The following ATP8B4 variants were observed in gnomAD, a reference collection of about 807,000 sequenced individuals.
The protein encoded by ATP8B4 is probable phospholipid-transporting ATPase IM.
In ATP8B4, 133 loss-of-function variants were observed where a neutral mutation model predicts 145.6. The ratio of observed to expected loss-of-function variants is 0.91; its 90% CI spans 0.79 to 1.05. The LOEUF is 1.05. Ranked by LOEUF, ATP8B4 falls within the 50% of genes least tolerant of loss-of-function variation. ATP8B4 has a pLI of 0.00. For synonymous variants in ATP8B4, 507 were observed against 492.9 expected, an observed-to-expected ratio of 1.03 and a Z score of -0.38; for missense variants, 1,458 against 1,425.2, an observed-to-expected ratio of 1.02 and a Z score of -0.37.
intron 1 of ATP8B4, among the ~76,000 whole-genome samples, chr15:50,172,952 G>A (rs1595669322): frequency 2.0e-5 from 3 of 150,178 alleles, no homozygotes; most frequent in South Asian, 4.2e-4. Context: ...CCCGGCAGCC[G>A]CCCCATCCGG....
At chr15:49,994,730 C>T (rs2047291185) in intron 9 of ATP8B4, among the ~76,000 whole-genome samples, 1 of 151,976 alleles carries the variant, frequency 6.6e-6, no homozygotes, top group Admixed American at 6.6e-5. Context: ...AAGAAATCCA[C>T]CTAATCCAGC....
intron 20 of ATP8B4, chr15:49,901,713 C>A (rs1433440525): frequency 5.6e-6 from 2 of 360,234 alleles, no homozygotes; most frequent in Non-Finnish European, 5.3e-6. Flanking sequence ...GTAATACGAT[C>A]CAGCTTAAAA....
In ATP8B4 at chr15:50,018,090, C is replaced by T. The variant is rs535526310; in HGVS notation, c.363-7173G>A. Among the ~76,000 whole-genome samples the T allele has an allele frequency of 2.0e-5, 3 of 150,306 alleles. No homozygotes were observed. The South Asian group carries it at 6.3e-4, about 32-fold the overall frequency. Reference sequence around the variant, plus strand: ...GCACCCTTGACCTCCTGGGTTCAAACTATTCTCATGCCTCAGCAGCCTGAG... The same window carrying T: ...GCACCCTTGACCTCCTGGGTTCAAATTATTCTCATGCCTCAGCAGCCTGAG... On this transcript the variant is annotated intron_variant, in intron 6 of 27. Coordinates refer to ENST00000284509, the MANE Select transcript of ATP8B4 (RefSeq NM_024837.4).
chr15:50,045,474 C>G (rs1402934462), intron 4 of ATP8B4, among the ~76,000 whole-genome samples: 3 of 152,076 alleles, frequency 2.0e-5, no homozygotes, highest in African/African-American at 7.2e-5. Flanking sequence ...AAATGGGATT[C>G]ATTTGAAAAT....
chr15:49,982,704 A>T (rs1217138468), intron 10 of ATP8B4: 3 of 152,216 alleles, frequency 2.0e-5, no homozygotes, highest in Non-Finnish European at 4.4e-5. Context: ...CTTTTTATGG[A>T]TTATTAAGCA....
chr15:50,120,065 T>C (rs534456437), upstream of ATP8B4, among the ~76,000 whole-genome samples: 39 of 152,320 alleles, frequency 2.6e-4, no homozygotes, highest in South Asian at 7.9e-3. Context: ...TTCTTTTAAA[T>C]ATGCCTAAAG....
chr15:49,977,520 C>G (rs1268568885), intron 12 of ATP8B4, among the ~76,000 whole-genome samples: 1 of 152,140 alleles, frequency 6.6e-6, no homozygotes, highest in Non-Finnish European at 1.5e-5. Context: ...CCCTCTTTAG[C>G]TCATGATCCT....
At chr15:49,926,986 C>A (rs1188197538) in intron 16 of ATP8B4, among the ~76,000 whole-genome samples, 1 of 152,094 alleles carries the variant, frequency 6.6e-6, no homozygotes, top group Non-Finnish European at 1.5e-5. Context: ...CTCGTAAGAG[C>A]CTTCCAAGAA....
intron 1 of ATP8B4, among the ~76,000 whole-genome samples, chr15:50,132,349 A>G (rs770821003): frequency 1.3e-5 from 2 of 152,182 alleles, no homozygotes; most frequent in Non-Finnish European, 2.9e-5. Context: ...CAACCAACAA[A>G]CATGAAAAAA....
At chr15:50,141,031 A>G (rs961009613) in intron 1 of ATP8B4, among the ~76,000 whole-genome samples, 4 of 152,092 alleles carry the variant, frequency 2.6e-5, no homozygotes, top group Non-Finnish European at 5.9e-5. Flanking sequence ...TTGGTCAGAG[A>G]TCCCCACCCC....
chr15:49,907,214 C>T (rs1269036800), intron 20 of ATP8B4, among the ~76,000 whole-genome samples: 1 of 152,154 alleles, frequency 6.6e-6, no homozygotes, highest in East Asian at 1.9e-4. Context: ...CAGACTTGAA[C>T]TAAATTTAAC....
chr15:50,074,576 T>C (rs2153636244), intron 2 of ATP8B4, among the ~76,000 whole-genome samples: 1 of 152,282 alleles, frequency 6.6e-6, no homozygotes, highest in South Asian at 2.1e-4. Flanking sequence ...AAATATAACA[T>C]AGCCAAAAAT....
intron 6 of ATP8B4, among the ~76,000 whole-genome samples, chr15:50,015,263 T>A (rs926593085): frequency 2.0e-5 from 3 of 152,094 alleles, no homozygotes; most frequent in African/African-American, 7.2e-5. Context: ...AAGAGGGAAA[T>A]TGGGATGGAA....
chr15:49,916,831 C>A, intron 20 of ATP8B4, 103 bp downstream of exon 20: 1 of 1,083,576 alleles, frequency 9.2e-7, no homozygotes, highest in Non-Finnish European at 1.3e-6. Flanking sequence ...AAGTTAAGAC[C>A]ACAGGAAACT....
intron 25 of ATP8B4, among the ~76,000 whole-genome samples, chr15:49,874,461 G>A (rs2034097599): frequency 6.6e-6 from 1 of 152,166 alleles, no homozygotes; most frequent in South Asian, 2.1e-4. Context: ...AATGGGATTG[G>A]AGGGATGGCT....
chr15:50,107,526 T>C (rs1483000041), intron 1 of ATP8B4, among the ~76,000 whole-genome samples: 1 of 152,124 alleles, frequency 6.6e-6, no homozygotes, highest in Non-Finnish European at 1.5e-5. Flanking sequence ...CAGAATAATA[T>C]CATTATTATA....
At position 50,156,086 on chromosome 15, in the gene ATP8B4, A is replaced by G. The variant is rs1474447070; in HGVS notation, c.-43+26175T>C. On this transcript the variant is annotated intron_variant, in intron 1 of 3. Transcript: ENST00000558829. The stretch of plus-strand genomic sequence containing the variant: ...AATAAATAAATAAATATATATATAT[A>G]TATATAAATATATATATATAAATAT... 8.2e-4 allele frequency among the ~76,000 whole-genome samples: 3 copies of G among 3,658 alleles called. 1 individual carries two copies. Among genetic ancestry groups the G allele is most frequent in the African/African-American group, 1.2e-3 (3 of 2,426 alleles). 2.4% of individuals were successfully genotyped at this position (3,658 alleles called of 152,430 possible). A position where few individuals can be genotyped will look rare whatever the true frequency, so the allele number is the denominator to read the frequency against.
Position 49,918,963 on chromosome 15 carries a change from A to C in ATP8B4, c.1924-13T>G, listed in dbSNP as rs1410449936. Reference sequence around the variant, plus strand: ...TGGCACCTAGTAGCTTTATTGAAAAAGAGAGAAAAGTTTATGTTAATGCAT... The same window carrying C: ...TGGCACCTAGTAGCTTTATTGAAAACGAGAGAAAAGTTTATGTTAATGCAT... On this transcript the variant is annotated splice_polypyrimidine_tract_variant and intron_variant, in intron 18 of 27. Coordinates refer to ENST00000284509, the MANE Select transcript of ATP8B4 (RefSeq NM_024837.4). 3.8e-6 allele frequency: 6 copies of C among 1,579,578 alleles called. No homozygotes were observed. Among genetic ancestry groups the C allele is most frequent in the Non-Finnish European group, 4.3e-6 (5 of 1,152,606 alleles).
intron 25 of ATP8B4, among the ~76,000 whole-genome samples, chr15:49,874,520 A>G (rs2034107854): frequency 6.6e-6 from 1 of 152,156 alleles, no homozygotes; most frequent in Admixed American, 6.5e-5. Flanking sequence ...ATAGATTTTG[A>G]AGAGACAAAT....
Sources: allele counts gnomAD v4.1 joint callset (sites outside exome capture counted in the v4.1 genomes callset), GRCh38; gene constraint gnomAD v4.1.1; transcripts MANE v1.5; gene names NCBI Gene and HGNC (gene_info 2026-07-23, HGNC 2026-07-21).